Variants in PCDH9 observed in about 807,000 individuals in gnomAD.
PCDH9 encodes protocadherin-9.
In PCDH9, 24 loss-of-function variants were observed where a neutral mutation model predicts 70.6. The observed-to-expected ratio is 0.34, with a 90% confidence interval of 0.25 to 0.48. The LOEUF (loss-of-function observed/expected upper bound fraction) is 0.48, where lower values mean the gene tolerates loss of function less well. Among genes scored for constraint, PCDH9 ranks in the 20% least tolerant of loss-of-function variants. The pLI, the probability that PCDH9 is intolerant of heterozygous loss-of-function variation, is 0.99. For missense variants in PCDH9, 1,281 were observed against 1,503.6 expected (o/e 0.85, Z 2.45); for synonymous variants, 562 against 558.5 (o/e 1.01, Z -0.09).
chr13:66,595,354 CAGG>C (rs1474095531), intron 4 of PCDH9, among the ~76,000 whole-genome samples: 12 of 151,684 alleles, frequency 7.9e-5, no homozygotes, highest in Non-Finnish European at 1.5e-4. Context: ...CCCCAATTGC[CAGG>C]AGAAGTTATG....
At chr13:66,576,016 A>G (rs1164187106) in intron 4 of PCDH9, among the ~76,000 whole-genome samples, 2 of 151,468 alleles carry the variant, frequency 1.3e-5, no homozygotes, top group Admixed American at 6.6e-5. Context: ...GACACTTTGG[A>G]TTATTTTTAA....
At chr13:66,649,098 G>A (rs1216107988) in intron 3 of PCDH9, among the ~76,000 whole-genome samples, 2 of 152,208 alleles carry the variant, frequency 1.3e-5, no homozygotes, top group African/African-American at 2.4e-5. Flanking sequence ...TCTAAGATTT[G>A]TTGGTCTTAA....
At chr13:67,169,518 C>A (rs905011856) in intron 2 of PCDH9, among the ~76,000 whole-genome samples, 4 of 152,278 alleles carry the variant, frequency 2.6e-5, no homozygotes, top group Admixed American at 6.5e-5. Flanking sequence ...AATCTTACAG[C>A]AGATTCTGAA....
chr13:66,652,360 A>G (rs2077864807), intron 3 of PCDH9, among the ~76,000 whole-genome samples: 1 of 152,154 alleles, frequency 6.6e-6, no homozygotes. Flanking sequence ...AAAGAAATCA[A>G]GAAAATAATC....
intron 2 of PCDH9, among the ~76,000 whole-genome samples, chr13:67,138,676 G>A (rs921985680): frequency 6.6e-5 from 10 of 152,118 alleles, no homozygotes; most frequent in East Asian, 5.8e-4. Context: ...TCAGGCCTGC[G>A]CCCGCATTGT....
At chr13:66,445,924 T>G (rs1958080501) in intron 4 of PCDH9, among the ~76,000 whole-genome samples, 1 of 151,514 alleles carries the variant, frequency 6.6e-6, no homozygotes. Context: ...GGTAAGCCTT[T>G]CGATGCCAAT....
intron 2 of PCDH9, among the ~76,000 whole-genome samples, chr13:67,198,316 T>C (rs1357907480): frequency 6.6e-6 from 1 of 151,882 alleles, no homozygotes; most frequent in East Asian, 1.9e-4. Flanking sequence ...GTGTAAATTA[T>C]TATTACTAAT....
At chr13:66,789,966 G>A (rs1359357216) in intron 3 of PCDH9, among the ~76,000 whole-genome samples, 2 of 152,072 alleles carry the variant, frequency 1.3e-5, no homozygotes, top group African/African-American at 4.8e-5. Flanking sequence ...TGTCAACCAA[G>A]ATTATTTCTA....
chr13:66,961,477 T>G (rs2083344285), intron 2 of PCDH9, among the ~76,000 whole-genome samples: 1 of 152,106 alleles, frequency 6.6e-6, no homozygotes, highest in Non-Finnish European at 1.5e-5. Flanking sequence ...TTTTCAAAAT[T>G]TAAGAAATAT....
chr13:66,804,126 T>A (rs1484292720), intron 3 of PCDH9, among the ~76,000 whole-genome samples: 1 of 152,138 alleles, frequency 6.6e-6, no homozygotes, highest in Non-Finnish European at 1.5e-5. Context: ...CATTGAGAAG[T>A]CTTACTATTT....
chr13:66,729,993 C>G (rs1285527114), intron 3 of PCDH9, among the ~76,000 whole-genome samples: 1 of 152,114 alleles, frequency 6.6e-6, no homozygotes, highest in Non-Finnish European at 1.5e-5. Flanking sequence ...ATATGTTTAA[C>G]AAAAGTTTTC....
chr13:66,869,719 C>T (rs945993932), intron 3 of PCDH9, among the ~76,000 whole-genome samples: 4 of 152,036 alleles, frequency 2.6e-5, no homozygotes, highest in Admixed American at 2.0e-4. Flanking sequence ...GTGCTCATTC[C>T]ACTTGAATTT....
intron 3 of PCDH9, among the ~76,000 whole-genome samples, chr13:66,747,349 TCAAAACAAAACAAAACAAAACAAAA>T (rs60690085): frequency 3.4e-5 from 5 of 147,232 alleles, no homozygotes; most frequent in African/African-American, 5.0e-5. Flanking sequence ...AGACGCCATC[TCAAAACAAAACAAAACAAAACAAAA>T]CAAAACAAAA....
chr13:66,559,817 A>ATATAT (rs1555306268), intron 4 of PCDH9, among the ~76,000 whole-genome samples: 16 of 93,114 alleles, frequency 1.7e-4, no homozygotes, highest in African/African-American at 6.6e-4. Context: ...AAAAAAAAAA[A>ATATAT]ATATATATAT....
At chr13:67,223,820 T>C (rs1212938139) in intron 2 of PCDH9, 3 of 152,104 alleles carry the variant, frequency 2.0e-5, no homozygotes, top group Non-Finnish European at 2.9e-5. Context: ...GCTGTAAATA[T>C]TTGTACTTTT....
intron 2 of PCDH9, among the ~76,000 whole-genome samples, chr13:67,126,381 T>G (rs753990896): frequency 2.0e-4 from 31 of 152,316 alleles, no homozygotes; most frequent in Non-Finnish European, 3.4e-4. Context: ...ATCAGTTGTT[T>G]AAATATGAAA....
At chr13:66,842,616 T>C (rs1268311251) in intron 3 of PCDH9, among the ~76,000 whole-genome samples, 1 of 152,208 alleles carries the variant, frequency 6.6e-6, no homozygotes, top group Non-Finnish European at 1.5e-5. Flanking sequence ...AGCATAAAAT[T>C]ACTTCCAATT....
intron 2 of PCDH9, among the ~76,000 whole-genome samples, chr13:67,178,746 T>C (rs1464131119): frequency 1.3e-5 from 2 of 152,112 alleles, no homozygotes; most frequent in Non-Finnish European, 2.9e-5. Context: ...AGATCTCATC[T>C]TAAACATGTT....
At chr13:66,634,902 G>A (rs989104318) in intron 3 of PCDH9, among the ~76,000 whole-genome samples, 4 of 152,108 alleles carry the variant, frequency 2.6e-5, no homozygotes, top group Non-Finnish European at 5.9e-5. Flanking sequence ...CTTCTCTGAG[G>A]TGACGCAGCT....
Sources: gnomAD v4.1 joint callset for allele counts (sites outside exome capture counted in the v4.1 genomes callset) on GRCh38, gnomAD v4.1.1 for gene constraint, MANE v1.5 for transcripts, NCBI Gene and HGNC (gene_info 2026-07-23, HGNC 2026-07-21) for gene names.